The following AKAP6 variants were observed in gnomAD, a reference collection of about 807,000 sequenced individuals.
AKAP6 encodes A-kinase anchor protein 6.
A neutral mutation model predicts 188.5 loss-of-function variants in AKAP6; 58 were observed. The ratio of observed to expected loss-of-function variants is 0.31; its 90% CI spans 0.25 to 0.38. The LOEUF is 0.38. Among genes scored for constraint, AKAP6 ranks in the 10% least tolerant of loss-of-function variants. The pLI, the probability that AKAP6 is intolerant of heterozygous loss-of-function variation, is 1.00. For missense variants in AKAP6, 2,710 were observed against 2,740.0 expected, an observed-to-expected ratio of 0.99 and a Z score of 0.24; for synonymous variants, 989 against 998.6, an observed-to-expected ratio of 0.99 and a Z score of 0.18.
intron 1 of AKAP6, among the ~76,000 whole-genome samples, chr14:32,415,899 G>GTATGTATATA (rs1889641262): frequency 6.6e-6 from 1 of 152,042 alleles, no homozygotes; most frequent in Non-Finnish European, 1.5e-5. Flanking sequence ...ATATTCTGTC[G>GTATGTATATA]TATGTATATA....
intron 3 of AKAP6, 133 bp downstream of exon 3, chr14:32,535,938 A>T (rs1882654509): frequency 3.0e-6 from 4 of 1,334,404 alleles, no homozygotes; most frequent in Admixed American, 2.4e-5. Context: ...GAATCTAGGC[A>T]TAGTGACTAG....
At chr14:32,655,722 T>C (rs915133691) in intron 7 of AKAP6, among the ~76,000 whole-genome samples, 1 of 152,138 alleles carries the variant, frequency 6.6e-6, no homozygotes, top group Non-Finnish European at 1.5e-5. Flanking sequence ...GCCTTTCTAT[T>C]TGGGAGCTGG....
chr14:32,577,865 T>A (rs17099317), intron 5 of AKAP6, among the ~76,000 whole-genome samples: 5,334 of 152,184 alleles, frequency 0.035, 302 homozygotes, highest in African/African-American at 0.12. Context: ...GGACATTCGA[T>A]GAACCTCGTG....
chr14:32,662,715 T>G (rs1888755914), intron 7 of AKAP6, among the ~76,000 whole-genome samples: 1 of 152,168 alleles, frequency 6.6e-6, no homozygotes, highest in Non-Finnish European at 1.5e-5. Flanking sequence ...TTCTTTATAA[T>G]TAGCAGGTAA....
chr14:32,378,029 GAA>G (rs1011420045), intron 1 of AKAP6, among the ~76,000 whole-genome samples: 1 of 152,106 alleles, frequency 6.6e-6, no homozygotes, highest in Non-Finnish European at 1.5e-5. Context: ...TTTGGGGAGA[GAA>G]AGAGAGTCTT....
At chr14:32,655,255 C>G (rs1042398440) in intron 7 of AKAP6, among the ~76,000 whole-genome samples, 3 of 152,100 alleles carry the variant, frequency 2.0e-5, no homozygotes, top group Non-Finnish European at 4.4e-5. Flanking sequence ...CTTTTATTTT[C>G]CTTATACCTT....
intron 2 of AKAP6, among the ~76,000 whole-genome samples, chr14:32,530,928 G>A (rs891246149): frequency 1.3e-5 from 2 of 152,130 alleles, no homozygotes; most frequent in African/African-American, 4.8e-5. Context: ...AACGGACTCA[G>A]CCAACTAGAG....
At chr14:32,393,206 A>G (rs1888767248) in intron 1 of AKAP6, among the ~76,000 whole-genome samples, 1 of 152,188 alleles carries the variant, frequency 6.6e-6, no homozygotes, top group African/African-American at 2.4e-5. Context: ...TATCAATATT[A>G]AGACATACTG....
intron 5 of AKAP6, among the ~76,000 whole-genome samples, 170 bp from the exon 6 acceptor site, chr14:32,599,240 C>T (rs919078276): frequency 6.6e-6 from 1 of 152,230 alleles, no homozygotes; most frequent in East Asian, 1.9e-4. Context: ...CTAATGGAAA[C>T]ATTTTGAGCC....
chr14:32,790,648 C>T (rs896233390), intron 12 of AKAP6, among the ~76,000 whole-genome samples: 4 of 151,960 alleles, frequency 2.6e-5, no homozygotes, highest in African/African-American at 7.3e-5. Context: ...ATGTGCAGAA[C>T]GTGCAGGTTT....
intron 1 of AKAP6, among the ~76,000 whole-genome samples, chr14:32,391,900 T>A (rs1464495702): frequency 6.6e-6 from 1 of 152,110 alleles, no homozygotes; most frequent in Non-Finnish European, 1.5e-5. Context: ...TGGACTAATA[T>A]GGGAGGGAAA....
At chr14:32,679,999 C>A (rs1292978218) in intron 8 of AKAP6, among the ~76,000 whole-genome samples, 1 of 152,182 alleles carries the variant, frequency 6.6e-6, no homozygotes, top group African/African-American at 2.4e-5. Flanking sequence ...GTCACATTTT[C>A]ATGTTTTGTA....
At chr14:32,343,746 C>CAAA (rs56376110) in intron 1 of AKAP6, among the ~76,000 whole-genome samples, 8,296 of 37,214 alleles carry the variant, frequency 0.22, 1,348 homozygotes, top group East Asian at 0.39. Flanking sequence ...GATTCCGTCT[C>CAAA]AAAAAAAAAA....
At chr14:32,672,573 A>C (rs928098994) in intron 7 of AKAP6, among the ~76,000 whole-genome samples, 4 of 152,026 alleles carry the variant, frequency 2.6e-5, no homozygotes, top group African/African-American at 9.7e-5. Flanking sequence ...TTGGATTGGG[A>C]CCCCCACCCT....
At chr14:32,404,263 T>C (rs1245104412) in intron 1 of AKAP6, among the ~76,000 whole-genome samples, 3 of 152,134 alleles carry the variant, frequency 2.0e-5, no homozygotes, top group African/African-American at 7.2e-5. Flanking sequence ...TTCTTTCCAT[T>C]AGCCTTAATA....
At position 32,545,988 on chromosome 14, in the gene AKAP6, C is replaced by T; in HGVS notation, c.1335C>T (p.Tyr445=). 2 of 1,614,174 alleles carry T rather than the reference C, an allele frequency of 1.2e-6. No individual in the cohort carries two copies. Among genetic ancestry groups the T allele is most frequent in the African/African-American group, 1.3e-5 (1 of 75,042 alleles). The change falls in exon 4 of 14, where the codon TAC becomes TAT. Residue 445 remains tyrosine, a synonymous_variant. Transcript: ENST00000280979. ...SKLCLVLQSS[Y]PNSPSAASQS... ...TTTGCCTGGTATTGCAGTCTTCTTACCCCAACAGCCCTTCTGCTGCCAGCC... is the reference window on the plus strand; with the variant it reads ...TTTGCCTGGTATTGCAGTCTTCTTATCCCAACAGCCCTTCTGCTGCCAGCC...
At chr14:32,803,295 A>AC (rs1459240705) in intron 12 of AKAP6, among the ~76,000 whole-genome samples, 2 of 151,526 alleles carry the variant, frequency 1.3e-5, no homozygotes, top group African/African-American at 4.9e-5. Context: ...AAAAAAACAA[A>AC]ACAAATATTT....
Position 32,609,922 on chromosome 14 carries a change from C to CACACAT in AKAP6, c.2730+9130_2730+9131insACACAT, listed in dbSNP as rs1555344439. ...ACACACACACACACACACACACACA[C>CACACAT]GTTCATTCCTTTCTCAGTCTCTGGA... On this transcript the variant is annotated intron_variant, in intron 7 of 13. Transcript: ENST00000280979. Among the ~76,000 whole-genome samples, 3 of 144,836 alleles carry CACACAT rather than the reference C, an allele frequency of 2.1e-5. No homozygotes were observed. In the East Asian group the frequency reaches 6.0e-4, roughly 29 times the overall value.
intron 11 of AKAP6, among the ~76,000 whole-genome samples, chr14:32,763,816 T>C (rs2032619148): frequency 6.6e-6 from 1 of 152,202 alleles, no homozygotes; most frequent in African/African-American, 2.4e-5. Context: ...ACGTTGTCTT[T>C]TAAGTTTGTA....
Sources: gnomAD v4.1 joint callset for allele counts (sites outside exome capture counted in the v4.1 genomes callset) on GRCh38, gnomAD v4.1.1 for gene constraint, MANE v1.5 for transcripts, NCBI Gene and HGNC (gene_info 2026-07-23, HGNC 2026-07-21) for gene names.